The following MEIG1 variants were observed in gnomAD, a reference collection of about 807,000 sequenced individuals.
MEIG1 encodes the protein meiosis/spermiogenesis associated 1.
Under a neutral mutation model 11.3 loss-of-function variants are expected in MEIG1, and 12 were observed. The observed-to-expected ratio is 1.07, with a 90% CI of 0.68 to 1.73. MEIG1 has a LOEUF of 1.73. Ranked by LOEUF, MEIG1 falls within the 40% of genes most tolerant of loss-of-function variation. The pLI, the probability that MEIG1 is intolerant of heterozygous loss-of-function variation, is 0.00. For missense variants in MEIG1, 119 were observed against 104.9 expected (o/e 1.13, Z -0.59); for synonymous variants, 41 against 33.2 (o/e 1.24, Z -0.81).
At chr10:14,985,365 G>C (rs749467981) in intron 1 of MEIG1, among the ~76,000 whole-genome samples, 6 of 151,926 alleles carry the variant, frequency 3.9e-5, no homozygotes, top group South Asian at 2.1e-4. Context: ...CTAAAGGGAC[G>C]TTACTAGTAA....
chr10:14,965,857 TCTGA>T (rs1171070010), intron 1 of MEIG1, among the ~76,000 whole-genome samples: 1 of 152,160 alleles, frequency 6.6e-6, no homozygotes, highest in Non-Finnish European at 1.5e-5. Context: ...TAACTCCAAC[TCTGA>T]CTGGGATTTT....
At chr10:14,972,240 C>G (rs1158215486) in intron 2 of MEIG1, among the ~76,000 whole-genome samples, 1 of 152,116 alleles carries the variant, frequency 6.6e-6, no homozygotes, top group African/African-American at 2.4e-5. Context: ...GTCTTGAACT[C>G]CTGACCTCAA....
chr10:14,960,630 G>A (rs954522413), intron 1 of MEIG1, among the ~76,000 whole-genome samples: 1 of 151,952 alleles, frequency 6.6e-6, no homozygotes, highest in African/African-American at 2.4e-5. Context: ...TTGTTGGCCA[G>A]GATGGTCTCG....
chr10:14,976,399 C>T (rs753635698), downstream of MEIG1, among the ~76,000 whole-genome samples: 3 of 152,052 alleles, frequency 2.0e-5, no homozygotes, highest in Non-Finnish European at 4.4e-5. Flanking sequence ...GTGTGTATAC[C>T]TTGTGGTGTT....
chr10:14,977,152 C>T (rs1169557690), downstream of MEIG1, among the ~76,000 whole-genome samples: 1 of 151,860 alleles, frequency 6.6e-6, no homozygotes, highest in Non-Finnish European at 1.5e-5. Context: ...CGTGTACAGC[C>T]TGTGATAGTA....
chr10:14,982,172 T>C (rs1843272234), intron 1 of MEIG1, among the ~76,000 whole-genome samples: 2 of 152,214 alleles, frequency 1.3e-5, no homozygotes, highest in Admixed American at 6.5e-5. Context: ...TGCTGGACTT[T>C]CTTCTTTTTC....
chr10:14,979,387 C>T (rs542418340), intron 1 of MEIG1, among the ~76,000 whole-genome samples: 1 of 151,328 alleles, frequency 6.6e-6, no homozygotes, highest in East Asian at 2.0e-4. Flanking sequence ...GGATGTTACT[C>T]CTAAAGTCAC....
intron 1 of MEIG1, among the ~76,000 whole-genome samples, chr10:14,960,462 A>G (rs1029415684): frequency 5.3e-5 from 8 of 152,084 alleles, no homozygotes; most frequent in African/African-American, 9.7e-5. Context: ...TCTGTAGCCC[A>G]GGCTGGAGTG....
At chr10:14,966,399 A>C (rs1287017063) in intron 1 of MEIG1, 41 bp from the exon 2 acceptor site, 21 of 1,400,234 alleles carry the variant, frequency 1.5e-5, no homozygotes, top group Admixed American at 2.6e-5. Flanking sequence ...CAAAATTGTC[A>C]CTATTACATT....
At chr10:14,961,066 C>T (rs1843007004) in intron 1 of MEIG1, among the ~76,000 whole-genome samples, 1 of 152,070 alleles carries the variant, frequency 6.6e-6, no homozygotes, top group African/African-American at 2.4e-5. Flanking sequence ...ATAACATGCT[C>T]CTCAATTTAA....
intron 1 of MEIG1, among the ~76,000 whole-genome samples, chr10:14,983,680 C>T (rs1435851069): frequency 6.6e-6 from 1 of 151,958 alleles, no homozygotes; most frequent in Non-Finnish European, 1.5e-5. Flanking sequence ...ACGCCCCCAT[C>T]GCAGGAGGTG....
At chr10:14,959,952 T>TA (rs1456121278) in intron 1 of MEIG1, among the ~76,000 whole-genome samples, 1 of 152,188 alleles carries the variant, frequency 6.6e-6, no homozygotes, top group Admixed American at 6.5e-5. Flanking sequence ...GCTGGAGGGA[T>TA]GGGGACTGCA....
upstream of MEIG1, among the ~76,000 whole-genome samples, chr10:14,957,791 G>A (rs1175948125): frequency 6.6e-6 from 1 of 152,118 alleles, no homozygotes; most frequent in Non-Finnish European, 1.5e-5. Flanking sequence ...GACTACAGGT[G>A]CACGCCACCA....
At chr10:14,955,814 G>C (rs1345838482), upstream of MEIG1, among the ~76,000 whole-genome samples, 1 of 152,204 alleles carries the variant, frequency 6.6e-6, no homozygotes. Context: ...GGAGGGGGAG[G>C]AGGGGTGACA....
intron 1 of MEIG1, among the ~76,000 whole-genome samples, chr10:14,984,702 T>C (rs141698448): frequency 4.3e-4 from 65 of 152,276 alleles, no homozygotes; most frequent in African/African-American, 1.4e-3. Flanking sequence ...GTACACTCTG[T>C]GATATTATCG....
At position 14,983,940 on chromosome 10, in the gene MEIG1, T is replaced by G. The variant is rs552375826; in HGVS notation, n.67-2856T>G. On this transcript the variant is annotated intron_variant and non_coding_transcript_variant, in intron 1 of 2. Coordinates refer to the MEIG1 transcript ENST00000467536. ...GGTGGACATGCCCCCAGTGATATTG[T>G]TCCTAATGTCAACGTGGGAGAGGAT... Among the ~76,000 whole-genome samples, 181 of 152,058 alleles carry G rather than the reference T, an allele frequency of 1.2e-3. 1 individual carries two copies. The highest frequency in any genetic ancestry group is 3.8e-3 in the African/African-American group (159 of 41,450).
chr10:14,975,778 T>G (rs1843203329), downstream of MEIG1, among the ~76,000 whole-genome samples: 1 of 152,046 alleles, frequency 6.6e-6, no homozygotes, highest in Non-Finnish European at 1.5e-5. Context: ...GATGTTACTT[T>G]CAATATCGCA....
chr10:14,959,822 C>A (rs188582780), intron 1 of MEIG1, among the ~76,000 whole-genome samples: 2 of 152,370 alleles, frequency 1.3e-5, no homozygotes, highest in South Asian at 2.1e-4. Context: ...GCTTTAGGGG[C>A]CGCGTCTCCG....
At chr10:14,961,706 T>G (rs1210775292) in intron 1 of MEIG1, among the ~76,000 whole-genome samples, 1 of 146,250 alleles carries the variant, frequency 6.8e-6, no homozygotes, top group Admixed American at 7.1e-5. Flanking sequence ...TCTCGAACCC[T>G]TGACCTCAGG....
Sources: gnomAD v4.1 joint callset for allele counts (sites outside exome capture counted in the v4.1 genomes callset) on GRCh38, gnomAD v4.1.1 for gene constraint, MANE v1.5 for transcripts, NCBI Gene and HGNC (gene_info 2026-07-23, HGNC 2026-07-21) for gene names.